ARK2N: variants seen among roughly 807,000 people sequenced by gnomAD.
The protein encoded by ARK2N is protein ARK2N.
the ARK2N span, among the ~76,000 whole-genome samples, chr18:46,213,923 C>G: frequency 6.6e-6 from 1 of 152,106 alleles, no homozygotes; most frequent in Non-Finnish European, 1.5e-5. Flanking sequence ...TCTCGAACTT[C>G]CAACCTCAGG....
the ARK2N span, among the ~76,000 whole-genome samples, chr18:46,194,710 G>A: frequency 4.0e-5 from 6 of 149,768 alleles, no homozygotes; most frequent in South Asian, 4.3e-4. Context: ...TCCTGACCTC[G>A]TGATCCACCA....
chr18:46,193,869 G>A, the ARK2N span, among the ~76,000 whole-genome samples: 1 of 152,008 alleles, frequency 6.6e-6, no homozygotes, highest in African/African-American at 2.4e-5. Context: ...AAAGTGCTGG[G>A]ATTACATGCG....
the ARK2N span, chr18:46,173,746 C>T: frequency 2.0e-5 from 3 of 152,378 alleles, no homozygotes; most frequent in Non-Finnish European, 4.4e-5. Flanking sequence ...AAAGGGAGCG[C>T]TGTCCTTTGC....
At chr18:46,212,035 A>G in the ARK2N span, among the ~76,000 whole-genome samples, 12 of 152,164 alleles carry the variant, frequency 7.9e-5, no homozygotes, top group Non-Finnish European at 8.8e-5. Flanking sequence ...TGGTTAGGGC[A>G]CTTCGTTTTT....
chr18:46,182,819 C>T, the ARK2N span, among the ~76,000 whole-genome samples: 1 of 151,502 alleles, frequency 6.6e-6, no homozygotes, highest in Non-Finnish European at 1.5e-5. Context: ...ATTTGAGCAG[C>T]CATTATCACC....
At chr18:46,185,148 C>T in the ARK2N span, among the ~76,000 whole-genome samples, 2 of 152,170 alleles carry the variant, frequency 1.3e-5, no homozygotes. Flanking sequence ...TTAAAAGATT[C>T]AGTTGATCAA....
At chr18:46,214,744 C>T in the ARK2N span, among the ~76,000 whole-genome samples, 1 of 152,188 alleles carries the variant, frequency 6.6e-6, no homozygotes, top group South Asian at 2.1e-4. Flanking sequence ...TCTCTTAAAT[C>T]CCTTTATTCA....
the ARK2N span, among the ~76,000 whole-genome samples, chr18:46,257,666 A>T: frequency 6.7e-6 from 1 of 149,256 alleles, no homozygotes; most frequent in Non-Finnish European, 1.5e-5. Flanking sequence ...CAGGCCAATA[A>T]TTTTTTTTTT....
chr18:46,244,821 G>A, the ARK2N span, among the ~76,000 whole-genome samples: 1 of 151,672 alleles, frequency 6.6e-6, no homozygotes, highest in Non-Finnish European at 1.5e-5. Flanking sequence ...GACTGGTCTC[G>A]AATTCCTGAC....
chr18:46,260,004 A>G, the ARK2N span, among the ~76,000 whole-genome samples: 1 of 147,522 alleles, frequency 6.8e-6, no homozygotes, highest in Non-Finnish European at 1.5e-5. Context: ...TACAGTCATG[A>G]TCCACTGTGC....
chr18:46,255,951 A>T, the ARK2N span, among the ~76,000 whole-genome samples: 1 of 151,946 alleles, frequency 6.6e-6, no homozygotes, highest in Admixed American at 6.6e-5. Context: ...CTTCCTTTAC[A>T]TCAGCAAATT....
chr18:46,214,399 A>T, the ARK2N span, among the ~76,000 whole-genome samples: 1 of 152,194 alleles, frequency 6.6e-6, no homozygotes, highest in African/African-American at 2.4e-5. Context: ...CATATTTAGC[A>T]TCCTCTTTAA....
chr18:46,240,785 GTATT>G, the ARK2N span, among the ~76,000 whole-genome samples: 3 of 152,088 alleles, frequency 2.0e-5, no homozygotes, highest in African/African-American at 7.2e-5. Flanking sequence ...CTTTAAGGTG[GTATT>G]TATTCACTAA....
the ARK2N span, among the ~76,000 whole-genome samples, chr18:46,231,587 T>C: frequency 6.8e-6 from 1 of 146,100 alleles, no homozygotes; most frequent in East Asian, 2.0e-4. Flanking sequence ...TTTTTTTTTT[T>C]TTTAAATCTC....
the ARK2N span, among the ~76,000 whole-genome samples, chr18:46,193,982 T>A: frequency 6.6e-6 from 1 of 152,134 alleles, no homozygotes; most frequent in South Asian, 2.1e-4. Flanking sequence ...GGTTTTAAGT[T>A]CAGTGCCCCT....
At chr18:46,244,601 A>ATTTTTTTTTTTTTTTTTTTT in the ARK2N span, among the ~76,000 whole-genome samples, 1 of 93,840 alleles carries the variant, frequency 1.1e-5, no homozygotes, top group African/African-American at 4.2e-5. Context: ...AAGAGTTTAG[A>ATTTTTTTTTTTTTTTTTTTT]TTTTTTTTTT....
At chr18:46,193,115 T>C in the ARK2N span, among the ~76,000 whole-genome samples, 1 of 151,898 alleles carries the variant, frequency 6.6e-6, no homozygotes, top group Non-Finnish European at 1.5e-5. Flanking sequence ...GCAAGTGAGC[T>C]GAGATTGCAC....
the ARK2N span, chr18:46,262,785 G>A: frequency 1.3e-6 from 1 of 782,960 alleles, no homozygotes; most frequent in East Asian, 2.7e-5. Context: ...GAGATGGAGG[G>A]AAGGATATTG....
chr18:46,208,208 C>G, the ARK2N span, among the ~76,000 whole-genome samples: 1 of 152,110 alleles, frequency 6.6e-6, no homozygotes, highest in African/African-American at 2.4e-5. Context: ...TGTTTCACAC[C>G]TAGTCCTCTG....
Sources: allele counts gnomAD v4.1 joint callset (sites outside exome capture counted in the v4.1 genomes callset), GRCh38; gene constraint gnomAD v4.1.1; transcripts MANE v1.5; gene names NCBI Gene and HGNC (gene_info 2026-07-23, HGNC 2026-07-21).